The following GPR137C variants were observed in gnomAD, a reference collection of about 807,000 sequenced individuals.
GPR137C encodes the protein G protein-coupled receptor 137C.
A neutral mutation model predicts 43.4 loss-of-function variants in GPR137C; 27 were observed. The observed-to-expected ratio is 0.62, with a 90% CI of 0.46 to 0.86. The LOEUF (loss-of-function observed/expected upper bound fraction) is 0.86, where lower values mean the gene tolerates loss of function less well. Among genes scored for constraint, GPR137C ranks in the 40% least tolerant of loss-of-function variants. GPR137C has a pLI of 0.00. For synonymous variants in GPR137C, 285 were observed against 226.9 expected, an observed-to-expected ratio of 1.26 and a Z score of -2.30; for missense variants, 522 against 534.6, an observed-to-expected ratio of 0.98 and a Z score of 0.23.
Position 52,553,435 on chromosome 14 carries a change from G to A in GPR137C, c.288G>A (p.Arg96=), listed in dbSNP as rs1007237296. ...LFLCLLWAAL[R]TTLFSAAFSL... ...TCTGTCTCCTGTGGGCAGCGCTCAGGACCACCCTCTTCTCCGCCGCCTTCT... is the reference window on the plus strand; with the variant it reads ...TCTGTCTCCTGTGGGCAGCGCTCAGAACCACCCTCTTCTCCGCCGCCTTCT... Residue 96 remains arginine (R), a synonymous_variant, in exon 1 of 7, where the codon AGG becomes AGA. Transcript: ENST00000321662. 15 of 1,609,066 alleles carry A rather than the reference G, an allele frequency of 9.3e-6. No individual in the cohort carries two copies. Among genetic ancestry groups the A allele is most frequent in the Non-Finnish European group, 1.3e-5 (15 of 1,179,784 alleles).
intron 1 of GPR137C, among the ~76,000 whole-genome samples, chr14:52,558,686 A>G (rs968226378): frequency 2.6e-5 from 4 of 152,244 alleles, no homozygotes; most frequent in African/African-American, 7.2e-5. Flanking sequence ...TATTAAATAC[A>G]TAGTACACAA....
intron 3 of GPR137C, among the ~76,000 whole-genome samples, chr14:52,623,348 C>A (rs1326322197): frequency 1.3e-5 from 2 of 152,156 alleles, no homozygotes; most frequent in Non-Finnish European, 2.9e-5. Flanking sequence ...TCAGCAATGT[C>A]AATTATATAA....
rs1566617651 is a variant in GPR137C at position 52,601,487 on chromosome 14, TG to T, written c.717+1147del. ...TGCTGGGGGAGATATTATGTGTGTG[TG>T]TGTGTGTGTGTATATATATATAGAG... On this transcript the variant is annotated intron_variant, in intron 3 of 6. Coordinates refer to ENST00000321662, the MANE Select transcript of GPR137C (RefSeq NM_001099652.2). 2.7e-4 allele frequency among the ~76,000 whole-genome samples: 40 copies of T among 150,636 alleles called. No individual in the cohort carries two copies. In the Middle Eastern group the frequency reaches 0.017, roughly 64 times the overall value.
intron 1 of GPR137C, chr14:52,596,810 TCACC>T (rs2038861844): frequency 2.4e-6 from 1 of 408,640 alleles, no homozygotes; most frequent in Admixed American, 2.6e-5. Context: ...CTGCTTCAGC[TCACC>T]CTCCATGGGC....
chr14:52,634,145 A>G (rs925111915), intron 6 of GPR137C, among the ~76,000 whole-genome samples, 199 bp downstream of exon 6: 2 of 152,144 alleles, frequency 1.3e-5, no homozygotes, highest in Admixed American at 1.3e-4. Context: ...CATTTGACTC[A>G]AAGCCTATAT....
In GPR137C at chr14:52,553,417, C is replaced by T. The variant is rs777686726; in HGVS notation, c.270C>T (p.Leu90=). Reference sequence around the variant, plus strand: ...AGAGCCTCTGCCTCTTCCTCTGTCTCCTGTGGGCAGCGCTCAGGACCACCC... The same window carrying T: ...AGAGCCTCTGCCTCTTCCTCTGTCTTCTGTGGGCAGCGCTCAGGACCACCC... ...SYQSLCLFLC[L]LWAALRTTLF... The change falls in exon 1 of 7, where the codon CTC becomes CTT. Residue 90 remains leucine (L), a synonymous_variant. Coordinates refer to ENST00000321662, the MANE Select transcript of GPR137C (RefSeq NM_001099652.2). 3 of 1,608,904 alleles carry T rather than the reference C, an allele frequency of 1.9e-6. No individual in the cohort carries two copies. Among genetic ancestry groups the T allele is most frequent in the Middle Eastern group, 1.6e-4 (1 of 6,062 alleles).
At chr14:52,615,761 A>G (rs2039091808) in intron 3 of GPR137C, among the ~76,000 whole-genome samples, 1 of 152,018 alleles carries the variant, frequency 6.6e-6, no homozygotes, top group Non-Finnish European at 1.5e-5. Context: ...TCTTTTTCAC[A>G]TTGTTGACTG....
rs551122286 is a variant in GPR137C, at chr14:52,558,243, C to T, written c.444+4652C>T. On this transcript the variant is annotated intron_variant, in intron 1 of 6. Transcript: ENST00000321662. ...GTGTGTTGAAGGTGTAGGGAGGTGT[C>T]GTTGCAGGCTGTGCCTTGCAGTGAG... 5.3e-5 allele frequency among the ~76,000 whole-genome samples: 8 copies of T among 152,094 alleles called. No homozygotes were observed. In the East Asian group the frequency reaches 7.7e-4, roughly 15 times the overall value.
chr14:52,563,640 A>G (rs1295806415), intron 1 of GPR137C, among the ~76,000 whole-genome samples: 1 of 151,976 alleles, frequency 6.6e-6, no homozygotes. Context: ...CAAGATCCCA[A>G]CTCAAAAACA....
In GPR137C at chr14:52,577,516, G is replaced by GCACACACACACA. The variant is rs3064748; in HGVS notation, c.445-20742_445-20731dup. 7.1e-3 allele frequency among the ~76,000 whole-genome samples: 1,035 copies of GCACACACACACA among 145,462 alleles called. 9 individuals are homozygous for GCACACACACACA. The highest frequency in any genetic ancestry group is 0.026 in the Admixed American group (383 of 14,654). ...CAAACATGCACGCGTGCGCGCGCGC[G>GCACACACACACA]CACACACACACACACACACACACAC... On this transcript the variant is annotated intron_variant, in intron 1 of 6. Transcript: ENST00000321662.
intron 1 of GPR137C, among the ~76,000 whole-genome samples, chr14:52,572,939 C>T (rs2038494049): frequency 6.6e-6 from 1 of 151,304 alleles, no homozygotes; most frequent in Non-Finnish European, 1.5e-5. Flanking sequence ...CACAAGCATT[C>T]CTATACACCA....
In GPR137C at chr14:52,566,849, C is replaced by T. The variant is rs576482721; in HGVS notation, c.444+13258C>T. On this transcript the variant is annotated intron_variant, in intron 1 of 6. Transcript: ENST00000321662. ...GATACAGGCCAGGTGCAGTGGCTCACGCCTGTAATCCCAGCACATTGGGAG... is the reference window on the plus strand; with the variant it reads ...GATACAGGCCAGGTGCAGTGGCTCATGCCTGTAATCCCAGCACATTGGGAG... Among the ~76,000 whole-genome samples, 22 of 152,290 alleles carry T rather than the reference C, an allele frequency of 1.4e-4. 1 individual carries two copies. Among genetic ancestry groups the T allele is most frequent in the Middle Eastern group, 3.4e-3 (1 of 294 alleles).
rs767600236 is a variant in GPR137C, at chr14:52,553,273, G to A, written c.126G>A (p.Pro42=). The change falls in exon 1 of 7, where the codon CCG becomes CCA. Residue 42 remains proline (P), a synonymous_variant. Transcript: ENST00000321662. The part of the protein sequence containing the change: ...AVAAASGAAV[P]GSVQLALSVL... Reference sequence around the variant, plus strand: ...CTGCAGCCTCAGGCGCCGCGGTGCCGGGCTCCGTGCAGTTGGCGCTGAGCG... The same window carrying A: ...CTGCAGCCTCAGGCGCCGCGGTGCCAGGCTCCGTGCAGTTGGCGCTGAGCG... 4 of 1,464,106 alleles carry A rather than the reference G, an allele frequency of 2.7e-6. No homozygotes were observed. The highest frequency in any genetic ancestry group is 2.2e-5 in the Admixed American group (1 of 44,686). The allele number at this position is 1,464,106 out of a possible 1,614,324, so 90.7% of individuals were successfully genotyped here. A position where few individuals can be genotyped will look rare whatever the true frequency, so the allele number is the denominator to read the frequency against.
chr14:52,555,639 C>T (rs2038181012), intron 1 of GPR137C, among the ~76,000 whole-genome samples: 3 of 152,112 alleles, frequency 2.0e-5, no homozygotes, highest in Admixed American at 2.0e-4. Flanking sequence ...GAAAGTCTTC[C>T]TGTTAAATGT....
chr14:52,608,933 A>G (rs1461659293), intron 3 of GPR137C, among the ~76,000 whole-genome samples: 3 of 151,910 alleles, frequency 2.0e-5, no homozygotes, highest in Admixed American at 6.6e-5. Flanking sequence ...CTGATTGGTG[A>G]CCTTTGACTT....
chr14:52,617,352 A>G (rs953665580), intron 3 of GPR137C, among the ~76,000 whole-genome samples: 1 of 152,106 alleles, frequency 6.6e-6, no homozygotes, highest in African/African-American at 2.4e-5. Flanking sequence ...ATTAATATGG[A>G]AAGGCCTTAG....
At chr14:52,573,923 A>G (rs1229730544) in intron 1 of GPR137C, among the ~76,000 whole-genome samples, 1 of 152,234 alleles carries the variant, frequency 6.6e-6, no homozygotes, top group Non-Finnish European at 1.5e-5. Flanking sequence ...ATGAACAGAC[A>G]CTTCTCAAAA....
Position 52,636,890 on chromosome 14 carries a change from G to C in GPR137C, c.*1775G>C, listed in dbSNP as rs1280077385. The C allele has an allele frequency of 6.6e-6, 1 of 152,040 alleles. No homozygotes were observed. The highest frequency in any genetic ancestry group is 6.6e-5 in the Admixed American group (1 of 15,248). The allele number at this position is 152,040 out of a possible 1,614,324, so 9.4% of individuals were successfully genotyped here. A position where few individuals can be genotyped will look rare whatever the true frequency, so the allele number is the denominator to read the frequency against. ...TTATTACAACTCCAGTTGTTAGATT[G>C]CTTCTCAGAATGCTAACTGTTTATT... On this transcript the variant is annotated 3_prime_UTR_variant, in exon 7 of 7. Transcript: ENST00000321662.
intron 3 of GPR137C, chr14:52,613,719 G>A (rs557086463): frequency 3.5e-4 from 94 of 266,878 alleles, no homozygotes; most frequent in Middle Eastern, 1.3e-3. Context: ...TCCATTGTGT[G>A]TAAGTACCAC....
Sources: allele counts gnomAD v4.1 joint callset (sites outside exome capture counted in the v4.1 genomes callset), GRCh38; gene constraint gnomAD v4.1.1; transcripts MANE v1.5; gene names NCBI Gene and HGNC (gene_info 2026-07-23, HGNC 2026-07-21).